Variants in PDE4D observed in about 807,000 individuals in gnomAD.
PDE4D encodes phosphodiesterase 4D, also known as 3',5'-cyclic-AMP phosphodiesterase 4D.
Under a neutral mutation model 87.4 loss-of-function variants are expected in PDE4D, and 24 were observed. The observed-to-expected ratio is 0.27, with a 90% CI of 0.20 to 0.39. The LOEUF (loss-of-function observed/expected upper bound fraction) is 0.39. Ranked by LOEUF, PDE4D falls within the 10% of genes least tolerant of loss-of-function variation. The probability of loss-of-function intolerance (pLI) is 1.00; values close to 1 mark genes in which losing one functional copy is unlikely to be tolerated. For missense variants in PDE4D, 714 were observed against 1,041.0 expected (o/e 0.69, Z 4.32); for synonymous variants, 384 against 383.2 (o/e 1.00, Z -0.02).
intron 1 of PDE4D, among the ~76,000 whole-genome samples, chr5:59,578,259 T>C (rs897429983): frequency 1.3e-5 from 2 of 152,100 alleles, no homozygotes; most frequent in African/African-American, 4.8e-5. Flanking sequence ...TTTCAAAAAA[T>C]CAGGTCATGA....
chr5:59,489,768 G>A (rs1417718775), intron 1 of PDE4D, among the ~76,000 whole-genome samples: 1 of 152,154 alleles, frequency 6.6e-6, no homozygotes, highest in Non-Finnish European at 1.5e-5. Flanking sequence ...AAGAACTGTT[G>A]TGTGGGTGAG....
At chr5:59,334,861 T>A (rs1182710966) in intron 1 of PDE4D, among the ~76,000 whole-genome samples, 1 of 152,128 alleles carries the variant, frequency 6.6e-6, no homozygotes, top group Non-Finnish European at 1.5e-5. Flanking sequence ...CTAATAAGAA[T>A]AACAGAAATC....
chr5:60,303,331 G>A (rs1047326819), intron 1 of PDE4D, among the ~76,000 whole-genome samples: 1 of 139,056 alleles, frequency 7.2e-6, no homozygotes. Context: ...TTTTTGAGAC[G>A]GGAGTTTCCC....
chr5:60,356,627 T>C (rs1759646731), intron 1 of PDE4D, among the ~76,000 whole-genome samples: 1 of 152,216 alleles, frequency 6.6e-6, no homozygotes, highest in African/African-American at 2.4e-5. Flanking sequence ...AGAAATTTAC[T>C]AGTTTTCCTT....
chr5:59,952,051 T>C (rs1192287795), intron 3 of PDE4D, among the ~76,000 whole-genome samples: 1 of 152,168 alleles, frequency 6.6e-6, no homozygotes, highest in Non-Finnish European at 1.5e-5. Flanking sequence ...TAGAAGTAAC[T>C]GGATCATGGG....
intron 1 of PDE4D, among the ~76,000 whole-genome samples, chr5:59,494,966 C>A (rs1224226561): frequency 6.6e-6 from 1 of 152,138 alleles, no homozygotes; most frequent in Non-Finnish European, 1.5e-5. Flanking sequence ...ATTCAAATCC[C>A]CTTCAAGTTA....
chr5:59,265,172 T>C, intron 1 of PDE4D, among the ~76,000 whole-genome samples: 1 of 151,996 alleles, frequency 6.6e-6, no homozygotes, highest in Non-Finnish European at 1.5e-5. Flanking sequence ...AGAAAGTCTT[T>C]ACAAAGGTGC....
At chr5:59,514,356 C>T (rs1305655750) in intron 1 of PDE4D, among the ~76,000 whole-genome samples, 2 of 152,062 alleles carry the variant, frequency 1.3e-5, no homozygotes, top group African/African-American at 2.4e-5. Flanking sequence ...CCACCCGCCT[C>T]GGCCTCCCAA....
intron 3 of PDE4D, among the ~76,000 whole-genome samples, chr5:59,192,535 T>C (rs1702178005): frequency 6.6e-6 from 1 of 152,072 alleles, no homozygotes; most frequent in African/African-American, 2.4e-5. Flanking sequence ...ACTCTACCAG[T>C]TGAAAAAAAA....
At chr5:59,123,990 C>T (rs1177478156) in intron 5 of PDE4D, among the ~76,000 whole-genome samples, 11 of 152,144 alleles carry the variant, frequency 7.2e-5, no homozygotes, top group Non-Finnish European at 1.6e-4. Flanking sequence ...ATACCACTTC[C>T]TAATATTTCT....
At position 59,041,246 on chromosome 5, in the gene PDE4D, AT is replaced by A. The variant is rs111673503; in HGVS notation, c.809-2276del. Among the ~76,000 whole-genome samples, 76 of 152,338 alleles carry A rather than the reference AT, an allele frequency of 5.0e-4. 1 individual carries two copies. The highest frequency in any genetic ancestry group is 1.7e-3 in the African/African-American group (71 of 41,574). On this transcript the variant is annotated intron_variant, in intron 5 of 14. Transcript: ENST00000340635. ...TTCCCCAATTCTAAGAATGTAAAAA[AT>A]ATTACATGCTTGTTATAAAAATTGA...
intron 1 of PDE4D, among the ~76,000 whole-genome samples, chr5:59,563,673 T>C (rs150087408): frequency 1.3e-5 from 2 of 152,322 alleles, no homozygotes; most frequent in African/African-American, 2.4e-5. Flanking sequence ...ACATCAGCCC[T>C]AGCTGATACA....
intron 1 of PDE4D, among the ~76,000 whole-genome samples, chr5:59,758,460 G>C (rs1761558220): frequency 6.6e-6 from 1 of 152,154 alleles, no homozygotes; most frequent in African/African-American, 2.4e-5. Flanking sequence ...TTGAGAATAA[G>C]TGCCTCATCT....
At chr5:60,370,873 G>A (rs1760971146) in intron 1 of PDE4D, among the ~76,000 whole-genome samples, 1 of 151,824 alleles carries the variant, frequency 6.6e-6, no homozygotes, top group African/African-American at 2.4e-5. Context: ...GAGAGAAGGC[G>A]ATTTTAGTAA....
At chr5:59,114,234 A>G (rs2153441020) in intron 5 of PDE4D, among the ~76,000 whole-genome samples, 1 of 152,278 alleles carries the variant, frequency 6.6e-6, no homozygotes, top group African/African-American at 2.4e-5. Context: ...TGATCCCTTT[A>G]AATATATACA....
chr5:58,974,883 T>G lies in PDE4D; in HGVS notation c.2211A>C (p.Glu737Asp), dbSNP rs1743325732. 1 of 1,612,514 alleles carries G rather than the reference T, an allele frequency of 6.2e-7. No homozygotes were observed. The highest frequency in any genetic ancestry group is 8.5e-7 in the Non-Finnish European group (1 of 1,178,978). The change falls in exon 15 of 15, where the codon GAA (glutamate) becomes GAC (aspartate). Residue 737 changes from glutamate to aspartate, a missense_variant. By Grantham distance (45) the Glu-to-Asp change is conservative. This residue lies in a region of PDE4D where 90 missense variants were observed against 95.3 expected (regional missense o/e 0.94). Coordinates refer to ENST00000340635, the MANE Select transcript of PDE4D (RefSeq NM_001104631.2). ...RQGQTEKFQF[E>D]LTLEEDGESD... ...ACTCACCATCTTCCTCTAAAGTTAGTTCAAACTGGAATTTCTCAGTTTGAC... is the reference window on the plus strand; with the variant it reads ...ACTCACCATCTTCCTCTAAAGTTAGGTCAAACTGGAATTTCTCAGTTTGAC...
rs543481860 is a variant in PDE4D at position 59,356,513 on chromosome 5, C to T, written c.456-140545G>A. On this transcript the variant is annotated intron_variant, in intron 1 of 14. Transcript: ENST00000340635. The stretch of plus-strand genomic sequence containing the variant: ...TTTTCAGGTGGCAGTAATATGAATG[C>T]TTTGTTAAGTTTGCCATTTAACTCT... Among the ~76,000 whole-genome samples, 11 of 152,250 alleles carry T rather than the reference C, an allele frequency of 7.2e-5. No homozygotes were observed. The South Asian group carries it at 2.3e-3, about 32-fold the overall frequency.
At chr5:60,416,773 C>G (rs926240398) in intron 1 of PDE4D, among the ~76,000 whole-genome samples, 1 of 152,234 alleles carries the variant, frequency 6.6e-6, no homozygotes, top group Admixed American at 6.5e-5. Context: ...ATCCAAGACT[C>G]TGGGGCTTTA....
chr5:59,215,722 G>C, intron 2 of PDE4D, 55 bp downstream of exon 2: 1 of 1,431,354 alleles, frequency 7.0e-7, no homozygotes, highest in Non-Finnish European at 9.9e-7. Flanking sequence ...TATGTCATCA[G>C]CTCTAGATAT....
Sources: gnomAD v4.1 joint callset for allele counts (sites outside exome capture counted in the v4.1 genomes callset) on GRCh38, gnomAD v4.1.1 for gene constraint, gnomAD v4.1.1 regional missense constraint, MANE v1.5 for transcripts, NCBI Gene and HGNC (gene_info 2026-07-23, HGNC 2026-07-21) for gene names.